The following SMARCA4 variants were observed in gnomAD, a reference collection of about 807,000 sequenced individuals.
SMARCA4 encodes the protein SWI/SNF-related matrix-associated actin-dependent regulator of chromatin subfamily A member 4.
SMARCA4 carries 31 observed loss-of-function variants against 193.9 expected under a neutral mutation model. That is an observed-to-expected ratio of 0.16 (90% CI 0.12 to 0.22). The LOEUF is 0.22. Ranked by LOEUF, SMARCA4 falls within the 10% of genes least tolerant of loss-of-function variation. SMARCA4 has a pLI of 1.00. For synonymous variants in SMARCA4, 942 were observed against 933.1 expected (o/e 1.01, Z -0.17); for missense variants, 1,148 against 2,296.0 (o/e 0.50, Z 10.22).
chr19:11,030,695 AC>A lies in SMARCA4; in HGVS notation c.3383-31del. 6.3e-7 allele frequency: 1 copy of A among 1,597,938 alleles called. No homozygotes were observed. ...GTGTCCCCACTCTACCCCTGAGGTC[AC>A]CCCGCTGACCCTGTTCTCCTCTGTG... On this transcript the variant is annotated intron_variant, in intron 24 of 34. Coordinates refer to ENST00000344626, the MANE Select transcript of SMARCA4 (RefSeq NM_003072.5). This position sits in a 1 kb window ranked among gnomAD's most constrained non-coding sequence, Gnocchi z 5.5.
chr19:11,003,520 C>G (rs911013144), intron 13 of SMARCA4, 123 bp downstream of exon 13: 10 of 915,740 alleles, frequency 1.1e-5, no homozygotes, highest in Non-Finnish European at 1.3e-5. Context: ...CAGCAGGGCC[C>G]AGGCCTGCCC....
rs1479977514 is a variant in SMARCA4, at chr19:11,041,119, C to G, written c.4171-188C>G. 4.7e-6 allele frequency: 3 copies of G among 631,812 alleles called. No individual in the cohort carries two copies. The highest frequency in any genetic ancestry group is 5.6e-5 in the Admixed American group (2 of 35,488). The allele number at this position is 631,812 out of a possible 1,614,324, so 39.1% of individuals were successfully genotyped here. A position where few individuals can be genotyped will look rare whatever the true frequency, so the allele number is the denominator to read the frequency against. ...GGTGCCTGCTGGGGGCAGTGCTGGTCTTTCACTGCAGCCCAGGCACCCCTT... is the reference window on the plus strand; with the variant it reads ...GGTGCCTGCTGGGGGCAGTGCTGGTGTTTCACTGCAGCCCAGGCACCCCTT... On this transcript the variant is annotated intron_variant, in intron 29 of 34. Transcript: ENST00000344626. This position sits in a 1 kb window ranked among gnomAD's most constrained non-coding sequence, Gnocchi z 5.6.
chr19:11,046,301 T>C (rs1198557987), intron 30 of SMARCA4, among the ~76,000 whole-genome samples: 1 of 152,100 alleles, frequency 6.6e-6, no homozygotes, highest in Non-Finnish European at 1.5e-5. Flanking sequence ...TTTCGGGACA[T>C]TTGATTCTGG....
intron 30 of SMARCA4, among the ~76,000 whole-genome samples, chr19:11,055,804 G>A (rs1223007610): frequency 6.6e-6 from 1 of 152,106 alleles, no homozygotes; most frequent in East Asian, 1.9e-4. Flanking sequence ...ATGTTGTCCA[G>A]GCTGGTCTCA....
At chr19:10,971,215 CAG>C (rs923504046) in intron 1 of SMARCA4, among the ~76,000 whole-genome samples, 15 of 152,044 alleles carry the variant, frequency 9.9e-5, no homozygotes, top group African/African-American at 2.4e-4. Flanking sequence ...AAAAAAGAAA[CAG>C]AGTGTGTTTT....
rs1020163987 is a variant in SMARCA4 at position 10,987,896 on chromosome 19, G to A, written c.1090G>A (p.Val364Met). 1 of 1,613,108 alleles carries A rather than the reference G, an allele frequency of 6.2e-7. No homozygotes were observed. Among genetic ancestry groups the A allele is most frequent in the African/African-American group, 1.3e-5 (1 of 75,040 alleles). ...CCAGAAGCCGCGGGGCCTCGACCCT[G>A]TGGAGATCCTGCAGGAGCGCGAGTA... ...PIQKPRGLDPVEILQEREYRL... is the reference protein window; with the variant it reads ...PIQKPRGLDPMEILQEREYRL... The change falls in exon 6 of 35, where the codon GTG becomes ATG. Residue 364 changes from valine (V) to methionine (M), a missense_variant. Val to Met is a conservative substitution (Grantham distance 21). This residue lies in a region of SMARCA4 where 257 missense variants were observed against 276.5 expected (regional missense o/e 0.93). Transcript: ENST00000344626. This position sits in a 1 kb window ranked among gnomAD's most constrained non-coding sequence, Gnocchi z 5.3.
intron 1 of SMARCA4, among the ~76,000 whole-genome samples, chr19:10,965,807 T>TA (rs2084167558): frequency 6.6e-6 from 1 of 152,128 alleles, no homozygotes; most frequent in Admixed American, 6.6e-5. Context: ...TTATGATCTT[T>TA]AAAAAATTTT....
intron 30 of SMARCA4, among the ~76,000 whole-genome samples, chr19:11,055,265 C>T (rs565787398): frequency 3.9e-5 from 6 of 152,328 alleles, no homozygotes; most frequent in Admixed American, 3.9e-4. Context: ...TCTCGGCTCA[C>T]TGCAACCTCT....
At chr19:11,061,204 AATATAT>A (rs55894159) in intron 34 of SMARCA4, among the ~76,000 whole-genome samples, 4,215 of 45,022 alleles carry the variant, frequency 0.094, 150 homozygotes, top group East Asian at 0.13. Flanking sequence ...AAAAAAAAAA[AATATAT>A]ATATATATAT....
intron 8 of SMARCA4, among the ~76,000 whole-genome samples, chr19:10,993,963 CAGAG>C (rs1193883572): frequency 3.3e-5 from 5 of 152,014 alleles, no homozygotes; most frequent in Non-Finnish European, 5.9e-5. Flanking sequence ...GTTTTATCAT[CAGAG>C]AGAGAAACCC....
chr19:10,981,193 GA>G (rs1429989971), intron 1 of SMARCA4, among the ~76,000 whole-genome samples: 2 of 152,200 alleles, frequency 1.3e-5, no homozygotes, highest in Admixed American at 1.3e-4. Context: ...CTGTGGACCT[GA>G]GAAGACTGTG....
chr19:11,047,358 C>G (rs10419557), intron 30 of SMARCA4, among the ~76,000 whole-genome samples: 11 of 151,516 alleles, frequency 7.3e-5, no homozygotes, highest in Non-Finnish European at 1.3e-4. Context: ...CTGATGTTCC[C>G]GGTGACGTTG....
chr19:10,993,227 C>G (rs536502186), intron 8 of SMARCA4, among the ~76,000 whole-genome samples: 208 of 152,254 alleles, frequency 1.4e-3, no homozygotes, highest in African/African-American at 4.5e-3. Flanking sequence ...CTCAAGTGAT[C>G]CGCCTGCCTT....
At chr19:10,996,920 T>C (rs73500659) in intron 11 of SMARCA4, among the ~76,000 whole-genome samples, 1,748 of 152,132 alleles carry the variant, frequency 0.011, 29 homozygotes, top group African/African-American at 0.038. Flanking sequence ...CCAGGCTGGA[T>C]TGCAGTGGCG....
chr19:11,056,785 C>T (rs982501285), intron 30 of SMARCA4, among the ~76,000 whole-genome samples: 8 of 152,322 alleles, frequency 5.3e-5, no homozygotes, highest in Middle Eastern at 3.4e-3. Flanking sequence ...GGAGGCCTTC[C>T]GGGATCCTGC....
At chr19:10,974,896 G>C (rs1415670749) in intron 1 of SMARCA4, among the ~76,000 whole-genome samples, 1 of 149,342 alleles carries the variant, frequency 6.7e-6, no homozygotes, top group Non-Finnish European at 1.5e-5. Flanking sequence ...TGTAGAGATG[G>C]GGTTTCACCA....
In SMARCA4 at chr19:10,984,134, T is replaced by A. The variant is rs1159618998; in HGVS notation, c.-18T>A. 6.2e-7 allele frequency: 1 copy of A among 1,613,594 alleles called. No individual in the cohort carries two copies. The highest frequency in any genetic ancestry group is 8.5e-7 in the Non-Finnish European group (1 of 1,179,932). ...ACTGTCTTCCAGCAGGAGGCCACTG[T>A]CTGCAGCTCCCGTGAAGATGTCCAC... On this transcript the variant is annotated 5_prime_UTR_variant, in exon 2 of 35. Transcript: ENST00000344626. The surrounding 1 kb of genome is among the most constrained non-coding windows in gnomAD (Gnocchi z 4.3).
chr19:11,049,483 G>GTTTTTTTTTTTTTT (rs1252732386), intron 30 of SMARCA4, among the ~76,000 whole-genome samples: 1 of 140,010 alleles, frequency 7.1e-6, no homozygotes. Flanking sequence ...CCTGGGTTCT[G>GTTTTTTTTTTTTTT]TGTTTTTTTT....
Position 11,019,159 on chromosome 19 carries a change from T to A in SMARCA4, c.2505+136T>A. On this transcript the variant is annotated intron_variant, in intron 17 of 34. Coordinates refer to ENST00000344626, the MANE Select transcript of SMARCA4 (RefSeq NM_003072.5). This position sits in a 1 kb window ranked among gnomAD's most constrained non-coding sequence, Gnocchi z 6.1. ...GTCGCATGGAGTCTCCAGGACAGCC[T>A]GGAACTCCAGTCACATGGATCCGGG... is the stretch of plus-strand genomic sequence containing the variant. The A allele has an allele frequency of 1.3e-6, 1 of 750,034 alleles. No homozygotes were observed. The highest frequency in any genetic ancestry group is 1.7e-5 in the African/African-American group (1 of 58,188). 46.5% of individuals were successfully genotyped at this position (750,034 alleles called of 1,614,324 possible). A position where few individuals can be genotyped will look rare whatever the true frequency, so the allele number is the denominator to read the frequency against.
Sources: gnomAD v4.1 joint callset for allele counts (sites outside exome capture counted in the v4.1 genomes callset) on GRCh38, gnomAD v4.1.1 for gene constraint, gnomAD v4.1.1 regional missense constraint, Gnocchi (gnomAD v3.1) non-coding constraint, MANE v1.5 for transcripts, NCBI Gene and HGNC (gene_info 2026-07-23, HGNC 2026-07-21) for gene names.